DOK3: variants seen among roughly 807,000 people sequenced by gnomAD.
DOK3 encodes the protein Dok-like protein.
A neutral mutation model predicts 26.2 loss-of-function variants in DOK3; 23 were observed. The observed-to-expected ratio is 0.88, with a 90% CI of 0.63 to 1.24. The LOEUF is 1.24. Ranked by LOEUF, DOK3 falls within the 50% of genes most tolerant of loss-of-function variation. The pLI, the probability that DOK3 is intolerant of heterozygous loss-of-function variation, is 0.00. For missense variants in DOK3, 619 were observed against 610.6 expected (o/e 1.01, Z -0.15); for synonymous variants, 268 against 268.2 (o/e 1.00, Z 0.01).
Position 177,503,106 on chromosome 5 carries a change from G to C in DOK3, c.*877C>G, listed in dbSNP as rs888571556. On this transcript the variant is annotated 3_prime_UTR_variant, in exon 6 of 6. Coordinates refer to ENST00000510898, the MANE Select transcript of DOK3 (RefSeq NM_001308236.3). ...GTTGCGGTGAGGGGCTGGGCAGTCAGAGCCCTGGAGGCATGACGCTTGCGT... is the reference window on the plus strand; with the variant it reads ...GTTGCGGTGAGGGGCTGGGCAGTCACAGCCCTGGAGGCATGACGCTTGCGT... 11 of 1,550,708 alleles carry C rather than the reference G, an allele frequency of 7.1e-6. No homozygotes were observed. The highest frequency in any genetic ancestry group is 2.0e-5 in the Admixed American group (1 of 50,956).
chr5:177,506,853 C>A (rs1313760012), intron 3 of DOK3, among the ~76,000 whole-genome samples: 2 of 151,230 alleles, frequency 1.3e-5, no homozygotes, highest in Non-Finnish European at 2.9e-5. Context: ...CCATGCCCAG[C>A]TACTTCTGTA....
At chr5:177,510,740 A>G (rs375179058), upstream of DOK3, among the ~76,000 whole-genome samples, 21 of 152,326 alleles carry the variant, frequency 1.4e-4, no homozygotes, top group East Asian at 1.9e-3. Flanking sequence ...TTGCGTTCTC[A>G]TCGCCATTTC....
Position 177,504,760 on chromosome 5 carries a change from T to G in DOK3, c.628A>C (p.Lys210Gln). ...LYSWPYHFLRKFGSDKGVFSF... is the reference protein window; with the variant it reads ...LYSWPYHFLRQFGSDKGVFSF... ...CACCTCACCTTGTCGGAGCCGAACTTGCGCAGGAAGTGGTAGGGCCAGCTG... is the reference window on the plus strand; with the variant it reads ...CACCTCACCTTGTCGGAGCCGAACTGGCGCAGGAAGTGGTAGGGCCAGCTG... Residue 210 changes from lysine (K) to glutamine (Q), a missense_variant, in exon 5 of 6, where the codon AAG (lysine) becomes CAG (glutamine). Coordinates refer to ENST00000510898, the MANE Select transcript of DOK3 (RefSeq NM_001308236.3). The G allele has an allele frequency of 6.2e-7, 1 of 1,613,982 alleles. No individual in the cohort carries two copies. The highest frequency in any genetic ancestry group is 1.3e-5 in the African/African-American group (1 of 75,040).
rs776316205 is a variant in DOK3 at position 177,508,393 on chromosome 5, G to C, written c.216C>G (p.Ile72Met). 1.2e-6 allele frequency: 2 copies of C among 1,603,708 alleles called. No individual in the cohort carries two copies. Among genetic ancestry groups the C allele is most frequent in the Non-Finnish European group, 1.7e-6 (2 of 1,179,120 alleles). ...GPGRRGERRV[I>M]RLADCVSVLP... ...GCACGGACACACAGTCAGCCAGGCG[G>C]ATGACCCGTCGCTCCCCTCGCCGGC... The change falls in exon 3 of 6, where the codon ATC (isoleucine) becomes ATG (methionine). Residue 72 changes from isoleucine to methionine, a missense_variant. Transcript: ENST00000510898.
rs371788222 is a variant in DOK3, at chr5:177,509,821, G to A, written c.-181C>T. On this transcript the variant is annotated 5_prime_UTR_variant, in exon 1 of 6. Coordinates refer to ENST00000510898, the MANE Select transcript of DOK3 (RefSeq NM_001308236.3). ...ACGCACCTGGTTCAGCTGGGCACGC[G>A]CGTCTGATCGCAGTCTGGCTCCCCG... is the stretch of plus-strand genomic sequence containing the variant. 39 of 1,611,298 alleles carry A rather than the reference G, an allele frequency of 2.4e-5. No individual in the cohort carries two copies. Among genetic ancestry groups the A allele is most frequent in the African/African-American group, 1.3e-4 (10 of 74,842 alleles).
Position 177,504,920 on chromosome 5 carries a change from G to A in DOK3, c.473-5C>T, listed in dbSNP as rs1374674299. 4 of 1,583,220 alleles carry A rather than the reference G, an allele frequency of 2.5e-6. No individual in the cohort carries two copies. The East Asian group carries it at 9.0e-5, about 35-fold the overall frequency. On this transcript the variant is annotated splice_region_variant and splice_polypyrimidine_tract_variant and intron_variant, in intron 4 of 5. Coordinates refer to ENST00000510898, the MANE Select transcript of DOK3 (RefSeq NM_001308236.3). ...CCACCACGGGAAACTCGCCCACTGT[G>A]GCAGGTGGCCAGGACAGCTCCGTCA...
rs1759748427 is a variant in DOK3, at chr5:177,504,373, T to C, written c.933A>G (p.Leu311=). The C allele has an allele frequency of 6.4e-7, 1 of 1,568,982 alleles. No individual in the cohort carries two copies. The highest frequency in any genetic ancestry group is 1.8e-5 in the Admixed American group (1 of 55,372). ...GATCGTTGGGCTCCGGGCCTAGCAGTAGCGGCAGGCTCTGGGGTCCGGGCT... is the reference window on the plus strand; with the variant it reads ...GATCGTTGGGCTCCGGGCCTAGCAGCAGCGGCAGGCTCTGGGGTCCGGGCT... ...LAEPGPQSLP[L]LLGPEPNDLA... The change falls in exon 6 of 6, where the codon CTA becomes CTG. Residue 311 remains leucine (L), a synonymous_variant. Transcript: ENST00000510898.
Position 177,504,863 on chromosome 5 carries a change from C to T in DOK3, c.525G>A (p.Gln175=). 1 of 1,608,606 alleles carries T rather than the reference C, an allele frequency of 6.2e-7. No homozygotes were observed. The highest frequency in any genetic ancestry group is 1.1e-5 in the South Asian group (1 of 90,504). Residue 175 remains glutamine (Q), a synonymous_variant, in exon 5 of 6, where the codon CAG becomes CAA. Transcript: ENST00000510898. ...VQRTEAATRC[Q]LKGPALLVLG... Reference sequence around the variant, plus strand: ...GCACCAGCAGGGCCGGCCCCTTCAGCTGGCAGCGGGTGGCGGCCTCAGTCC... The same window carrying T: ...GCACCAGCAGGGCCGGCCCCTTCAGTTGGCAGCGGGTGGCGGCCTCAGTCC...
At chr5:177,505,268 C>T (rs893004129) in intron 3 of DOK3, among the ~76,000 whole-genome samples, 158 bp from the exon 4 acceptor site, 3 of 152,144 alleles carry the variant, frequency 2.0e-5, no homozygotes, top group Admixed American at 6.5e-5. Flanking sequence ...GGTCCCCTTC[C>T]GAGCCTGTTC....
chr5:177,505,981 G>A (rs751406630), intron 3 of DOK3, among the ~76,000 whole-genome samples: 4 of 150,660 alleles, frequency 2.7e-5, no homozygotes, highest in Admixed American at 6.6e-5. Flanking sequence ...CTCATGATCC[G>A]CCTGTCTCGG....
In DOK3 at chr5:177,504,293, T is replaced by C. The variant is rs35297928; in HGVS notation, c.1013A>G (p.Asn338Ser). Reference sequence around the variant, plus strand: ...ACACAGGTTCTCATAGAGGTGCTCATTGCCTGGGGGCCCACTGGCACGCTT... The same window carrying C: ...ACACAGGTTCTCATAGAGGTGCTCACTGCCTGGGGGCCCACTGGCACGCTT... Reference protein sequence around the residue: ...VCKRASGPPGNEHLYENLCVL... With the variant: ...VCKRASGPPGSEHLYENLCVL... The change falls in exon 6 of 6, where the codon AAT becomes AGT. Residue 338 changes from asparagine to serine, a missense_variant. By Grantham distance (46) the Asn-to-Ser change is conservative. Transcript: ENST00000510898. 956 of 1,607,458 alleles carry C rather than the reference T, an allele frequency of 5.9e-4. 3 individuals carry two copies. Among genetic ancestry groups the C allele is most frequent in the Middle Eastern group, 4.6e-3 (28 of 6,038 alleles).
rs528437635 is a variant in DOK3 at position 177,503,116 on chromosome 5, G to A, written c.*867C>T. ...GGGGCTGGGCAGTCAGAGCCCTGGA[G>A]GCATGACGCTTGCGTGCGTGGCTGG... On this transcript the variant is annotated 3_prime_UTR_variant, in exon 6 of 6. Coordinates refer to ENST00000510898, the MANE Select transcript of DOK3 (RefSeq NM_001308236.3). 1.1e-4 allele frequency: 163 copies of A among 1,551,524 alleles called. 1 individual carries two copies. In the South Asian group the frequency reaches 1.9e-3, roughly 18 times the overall value.
In DOK3 at chr5:177,505,036, G is replaced by A; in HGVS notation, c.447C>T (p.Asn149=). Residue 149 remains asparagine (N), a synonymous_variant, in exon 4 of 6, where the codon AAC becomes AAT. Transcript: ENST00000510898. The part of the protein sequence containing the change: ...PKRGLVPMEE[N]SIYSSWQEVG... ...CTTCCTGCCAGGAGGAGTAGATGGA[G>A]TTTTCCTCCATGGGGACCAGGCCCC... 2 of 1,611,990 alleles carry A rather than the reference G, an allele frequency of 1.2e-6. No homozygotes were observed. The highest frequency in any genetic ancestry group is 4.5e-5 in the East Asian group (2 of 44,876).
At chr5:177,506,039 G>T (rs551787035) in intron 3 of DOK3, among the ~76,000 whole-genome samples, 166 of 150,688 alleles carry the variant, frequency 1.1e-3, no homozygotes, top group African/African-American at 4.0e-3. Context: ...CGCCCAGCCC[G>T]CCTCCCGGGT....
At chr5:177,510,908 G>A (rs200528284), upstream of DOK3, 1 of 152,288 alleles carries the variant, frequency 6.6e-6, no homozygotes, top group African/African-American at 2.4e-5. Context: ...CGCCTGTGCC[G>A]TCCCTGCCTA....
In DOK3 at chr5:177,502,745, C is replaced by T. The variant is rs1159912386; in HGVS notation, c.*1238G>A. ...GCAGGCAGTCTGCTTAAATGGATTT[C>T]TCTGGCTGTGGGCAGCTGTGTGCAG... is the stretch of plus-strand genomic sequence containing the variant. On this transcript the variant is annotated 3_prime_UTR_variant, in exon 6 of 6. Transcript: ENST00000510898. The T allele has an allele frequency of 5.1e-6, 2 of 391,998 alleles. No homozygotes were observed. Among genetic ancestry groups the T allele is most frequent in the Non-Finnish European group, 9.2e-6 (2 of 216,612 alleles). 24.3% of individuals were successfully genotyped at this position (391,998 alleles called of 1,614,324 possible). A position where few individuals can be genotyped will look rare whatever the true frequency, so the allele number is the denominator to read the frequency against.
rs1366457235 is a variant in DOK3, at chr5:177,503,025, G to C, written c.*958C>G. On this transcript the variant is annotated 3_prime_UTR_variant, in exon 6 of 6. Coordinates refer to ENST00000510898, the MANE Select transcript of DOK3 (RefSeq NM_001308236.3). ...GGACAGGAGAGAGCAAAAATTGTGT[G>C]TCCGTCATGAAAATGAGGTTCAGGA... The C allele has an allele frequency of 1.3e-6, 2 of 1,501,354 alleles. No individual in the cohort carries two copies. Among genetic ancestry groups the C allele is most frequent in the South Asian group, 1.3e-5 (1 of 76,808 alleles). 93.0% of individuals were successfully genotyped at this position (1,501,354 alleles called of 1,614,324 possible).
intron 3 of DOK3, among the ~76,000 whole-genome samples, chr5:177,507,489 C>T (rs372657124): frequency 2.6e-5 from 4 of 152,036 alleles, no homozygotes; most frequent in Non-Finnish European, 4.4e-5. Flanking sequence ...GGGTCTTGCT[C>T]TGTCTCCCGG....
In DOK3 at chr5:177,507,114, G is replaced by C. The variant is rs113633286; in HGVS notation, c.372+1123C>G. Among the ~76,000 whole-genome samples, 503 of 151,908 alleles carry C rather than the reference G, an allele frequency of 3.3e-3. 3 individuals carry two copies. Among genetic ancestry groups the C allele is most frequent in the African/African-American group, 0.011 (471 of 41,436 alleles). ...CACTCCCCACTTCTCCCTTCCTCCA[G>C]CTCCTGCCAACACTCATCTGATTTC... is the stretch of plus-strand genomic sequence containing the variant. On this transcript the variant is annotated intron_variant, in intron 3 of 5. Transcript: ENST00000510898.
Sources: allele counts gnomAD v4.1 joint callset (sites outside exome capture counted in the v4.1 genomes callset), GRCh38; gene constraint gnomAD v4.1.1; transcripts MANE v1.5; gene names NCBI Gene and HGNC (gene_info 2026-07-23, HGNC 2026-07-21).